The following PCDHGA7 variants were observed in gnomAD, a reference collection of about 807,000 sequenced individuals.
PCDHGA7 encodes the protein protocadherin gamma-A7.
A neutral mutation model predicts 58.3 loss-of-function variants in PCDHGA7; 44 were observed. The observed-to-expected ratio is 0.75, with a 90% CI of 0.59 to 0.97. The LOEUF is 0.97. Ranked by LOEUF, PCDHGA7 falls within the 50% of genes least tolerant of loss-of-function variation. PCDHGA7 has a pLI of 0.00. For synonymous variants in PCDHGA7, 516 were observed against 504.2 expected, an observed-to-expected ratio of 1.02 and a Z score of -0.31; for missense variants, 1,266 against 1,188.7, an observed-to-expected ratio of 1.06 and a Z score of -0.96.
At chr5:141,437,986 C>T (rs2097921856) in intron 1 of PCDHGA7, among the ~76,000 whole-genome samples, 1 of 152,096 alleles carries the variant, frequency 6.6e-6, no homozygotes, top group African/African-American at 2.4e-5. Context: ...TGCACCCACC[C>T]CACCTCAGCC....
intron 3 of PCDHGA7, among the ~76,000 whole-genome samples, chr5:141,508,855 C>T (rs2099872444): frequency 6.6e-6 from 1 of 152,020 alleles, no homozygotes; most frequent in Non-Finnish European, 1.5e-5. Flanking sequence ...CATTCCCAGG[C>T]TGGGAAAGGC....
At chr5:141,390,327 T>G (rs377735930) in intron 1 of PCDHGA7, 172 of 1,603,116 alleles carry the variant, frequency 1.1e-4, no homozygotes, top group Non-Finnish European at 2.0e-5. Flanking sequence ...CCTACCCATT[T>G]CTCCATATTC....
rs772807357 is a variant in PCDHGA7, at chr5:141,431,758, C to G, written c.2424+46435C>G. On this transcript the variant is annotated intron_variant, in intron 1 of 3. Transcript: ENST00000518325. This position sits in a 1 kb window ranked among gnomAD's most constrained non-coding sequence, Gnocchi z 4.8. ...CAGGATATTCTGCGCGAGCCAAAGTCCTGATCACTGTTCTGGACGTGAACG... is the reference window on the plus strand; with the variant it reads ...CAGGATATTCTGCGCGAGCCAAAGTGCTGATCACTGTTCTGGACGTGAACG... 2.0e-5 allele frequency: 32 copies of G among 1,614,054 alleles called. No individual in the cohort carries two copies. The highest frequency in any genetic ancestry group is 2.6e-5 in the Non-Finnish European group (31 of 1,180,028).
Position 141,384,048 on chromosome 5 carries a change from C to A in PCDHGA7, c.1149C>A (p.Thr383=), listed in dbSNP as rs111794989. 4,325 of 1,611,882 alleles carry A rather than the reference C, an allele frequency of 2.7e-3. 15 individuals carry two copies. Among genetic ancestry groups the A allele is most frequent in the Admixed American group, 9.3e-3 (555 of 59,694 alleles). The part of the protein sequence containing the change: ...DRDSGKNGEV[T]CTIPENLPFK... ...ATTCTGGAAAGAATGGTGAGGTGACCTGCACCATTCCAGAAAACCTACCTT... is the reference window on the plus strand; with the variant it reads ...ATTCTGGAAAGAATGGTGAGGTGACATGCACCATTCCAGAAAACCTACCTT... The change falls in exon 1 of 4, where the codon ACC becomes ACA. Residue 383 remains threonine (T), a synonymous_variant. Transcript: ENST00000518325.
Position 141,398,413 on chromosome 5 carries a change from T to C in PCDHGA7, c.2424+13090T>C, listed in dbSNP as rs774602022. On this transcript the variant is annotated intron_variant, in intron 1 of 3. Transcript: ENST00000518325. ...CAGCAGGCTAGACAGGGAGGAGATA[T>C]GCGGGAAGAAGCCAGCTTGTGCTCT... 7.0e-5 allele frequency: 104 copies of C among 1,490,692 alleles called. 1 individual carries two copies. Among genetic ancestry groups the C allele is most frequent in the Middle Eastern group, 6.1e-4 (3 of 4,950 alleles). The allele number at this position is 1,490,692 out of a possible 1,614,324, so 92.3% of individuals were successfully genotyped here.
chr5:141,404,746 A>T (rs1219726027), intron 1 of PCDHGA7: 2 of 1,613,308 alleles, frequency 1.2e-6, no homozygotes, highest in Admixed American at 3.3e-5. Flanking sequence ...ACAGAGACTC[A>T]GGCCAGAATG....
chr5:141,505,287 TG>T, intron 2 of PCDHGA7, 105 bp from the exon 3 acceptor site: 1 of 1,550,864 alleles, frequency 6.4e-7, no homozygotes, highest in Middle Eastern at 2.1e-4. Context: ...GTCTTGGGCA[TG>T]GGGTAGGGTT....
chr5:141,401,613 G>A (rs906957282), intron 1 of PCDHGA7, among the ~76,000 whole-genome samples: 1 of 152,162 alleles, frequency 6.6e-6, no homozygotes, highest in Admixed American at 6.5e-5. Flanking sequence ...AAAAGACACC[G>A]GATTTGTCTT....
rs746642302 is a variant in PCDHGA7, at chr5:141,491,107, A to G, written c.2425-3700A>G. The stretch of plus-strand genomic sequence containing the variant: ...AGCCCCAGGACTGTTCCTCGTGTCT[A>G]CACACACTGGTGAGGTGCGCACAGC... On this transcript the variant is annotated intron_variant, in intron 1 of 3. Coordinates refer to ENST00000518325, the MANE Select transcript of PCDHGA7 (RefSeq NM_018920.4). The surrounding 1 kb of genome is among the most constrained non-coding windows in gnomAD (Gnocchi z 6.9). 2.5e-6 allele frequency: 4 copies of G among 1,614,148 alleles called. No homozygotes were observed. Among genetic ancestry groups the G allele is most frequent in the Non-Finnish European group, 2.5e-6 (3 of 1,180,014 alleles).
intron 1 of PCDHGA7, among the ~76,000 whole-genome samples, chr5:141,472,742 T>C (rs926507203): frequency 2.0e-5 from 3 of 151,762 alleles, no homozygotes; most frequent in Non-Finnish European, 4.4e-5. Flanking sequence ...TCCCAGCACT[T>C]TGGGAGGCGG....
chr5:141,421,567 A>G (rs1202908091), intron 1 of PCDHGA7: 27 of 1,613,972 alleles, frequency 1.7e-5, no homozygotes, highest in Non-Finnish European at 2.2e-5. Context: ...CGTGGAAGAC[A>G]CCTTGAAGAT....
chr5:141,506,372 C>A (rs1243713695), intron 3 of PCDHGA7, among the ~76,000 whole-genome samples: 1 of 151,402 alleles, frequency 6.6e-6, no homozygotes, highest in Non-Finnish European at 1.5e-5. Context: ...TCGCTTGAAC[C>A]TGGGAGGTGG....
Position 141,476,351 on chromosome 5 carries a change from G to C in PCDHGA7, c.2425-18456G>C. On this transcript the variant is annotated intron_variant, in intron 1 of 3. Transcript: ENST00000518325. This position sits in a 1 kb window ranked among gnomAD's most constrained non-coding sequence, Gnocchi z 7.6. ...TGGAGCTAGCCGAAGATTCTTTGAG[G>C]TGAACCGGGAGACCGGAGAGATGTT... 3 of 1,614,182 alleles carry C rather than the reference G, an allele frequency of 1.9e-6. No homozygotes were observed. Among genetic ancestry groups the C allele is most frequent in the Non-Finnish European group, 2.5e-6 (3 of 1,180,046 alleles).
At chr5:141,421,088 C>A in intron 1 of PCDHGA7, 2 of 659,434 alleles carry the variant, frequency 3.0e-6, no homozygotes, top group South Asian at 4.0e-5. Flanking sequence ...CTCACAGATC[C>A]TGACACTGGA....
At chr5:141,465,337 G>GCC (rs2099101328) in intron 1 of PCDHGA7, among the ~76,000 whole-genome samples, 6 of 151,962 alleles carry the variant, frequency 3.9e-5, no homozygotes, top group Admixed American at 2.6e-4. Flanking sequence ...TTTTTATATT[G>GCC]GTTACTGAAG....
rs961891623 is a variant in PCDHGA7 at position 141,487,938 on chromosome 5, GC to G, written c.2425-6868del. The G allele has an allele frequency of 2.8e-5, 17 of 600,188 alleles. No homozygotes were observed. The highest frequency in any genetic ancestry group is 4.7e-5 in the Non-Finnish European group (16 of 342,978). 37.2% of individuals were successfully genotyped at this position (600,188 alleles called of 1,614,324 possible). ...GAGGCTACAGTGCACAGGGTACAGTGCACCAGGCAGTCACTTGGACAAAGGT... is the reference window on the plus strand; with the variant it reads ...GAGGCTACAGTGCACAGGGTACAGTGACCAGGCAGTCACTTGGACAAAGGT... On this transcript the variant is annotated intron_variant, in intron 1 of 3. Coordinates refer to ENST00000518325, the MANE Select transcript of PCDHGA7 (RefSeq NM_018920.4). The surrounding 1 kb of genome is among the most constrained non-coding windows in gnomAD (Gnocchi z 5.0).
At chr5:141,394,180 C>T in intron 1 of PCDHGA7, 2 of 1,613,948 alleles carry the variant, frequency 1.2e-6, no homozygotes, top group Non-Finnish European at 1.7e-6. Context: ...CCTCATGCCT[C>T]CTACTCAGCG....
intron 1 of PCDHGA7, among the ~76,000 whole-genome samples, chr5:141,462,035 C>G (rs35674654): frequency 2.0e-5 from 3 of 152,076 alleles, no homozygotes; most frequent in Non-Finnish European, 4.4e-5. Context: ...GTTGGTCAGG[C>G]GGGTCTTGAA....
intron 3 of PCDHGA7, among the ~76,000 whole-genome samples, chr5:141,505,875 T>C (rs991981462): frequency 2.6e-4 from 40 of 152,140 alleles, no homozygotes; most frequent in African/African-American, 9.2e-4. Flanking sequence ...AAAGGGTTGT[T>C]GTAGAGATTA....
Sources: allele counts gnomAD v4.1 joint callset (sites outside exome capture counted in the v4.1 genomes callset), GRCh38; gene constraint gnomAD v4.1.1; non-coding constraint Gnocchi (gnomAD v3.1); transcripts MANE v1.5; gene names NCBI Gene and HGNC (gene_info 2026-07-23, HGNC 2026-07-21).